The following ATXN7L1 variants were observed in gnomAD, a reference collection of about 807,000 sequenced individuals.
ATXN7L1 encodes ataxin-7-like protein 1.
ATXN7L1 carries 15 observed loss-of-function variants against 70.8 expected under a neutral mutation model. The observed-to-expected ratio is 0.21, with a 90% confidence interval of 0.14 to 0.33. The LOEUF (loss-of-function observed/expected upper bound fraction) is 0.33, where lower values mean the gene tolerates loss of function less well. Among genes scored for constraint, ATXN7L1 ranks in the 10% least tolerant of loss-of-function variants. ATXN7L1 has a pLI of 1.00. For synonymous variants in ATXN7L1, 440 were observed against 445.1 expected, an observed-to-expected ratio of 0.99 and a Z score of 0.14; for missense variants, 975 against 1,097.1, an observed-to-expected ratio of 0.89 and a Z score of 1.57.
intron 2 of ATXN7L1, among the ~76,000 whole-genome samples, chr7:105,822,369 C>T (rs964064314): frequency 1.3e-5 from 2 of 152,244 alleles, no homozygotes; most frequent in African/African-American, 4.8e-5. Context: ...ATGGTACTGA[C>T]TAGCTGCAGA....
intron 2 of ATXN7L1, among the ~76,000 whole-genome samples, chr7:105,857,085 T>C (rs192261743): frequency 1.1e-3 from 160 of 152,354 alleles, no homozygotes; most frequent in African/African-American, 3.8e-3. Context: ...CCTCAAAGCC[T>C]TTGCTTAAGC....
chr7:105,631,494 T>C (rs1435919499), intron 7 of ATXN7L1, among the ~76,000 whole-genome samples: 1 of 152,160 alleles, frequency 6.6e-6, no homozygotes, highest in Non-Finnish European at 1.5e-5. Context: ...CTTTCTGGAG[T>C]CTCGCTTTGT....
intron 2 of ATXN7L1, among the ~76,000 whole-genome samples, chr7:105,859,641 T>C (rs1327630334): frequency 6.6e-6 from 1 of 152,138 alleles, no homozygotes; most frequent in Non-Finnish European, 1.5e-5. Flanking sequence ...GTTATACCAA[T>C]GGGAATATCA....
rs568425580 is a variant in ATXN7L1 at position 105,752,897 on chromosome 7, T to C, written c.355+35707A>G. 2.6e-5 allele frequency among the ~76,000 whole-genome samples: 4 copies of C among 152,300 alleles called. No individual in the cohort carries two copies. The East Asian group carries it at 7.7e-4, about 29-fold the overall frequency. On this transcript the variant is annotated intron_variant, in intron 3 of 11. Coordinates refer to ENST00000419735, the MANE Select transcript of ATXN7L1 (RefSeq NM_020725.2). ...GTACAAAGTGGATTAAGAGCACAGC[T>C]GGAAGACCCCAAGATCATCCAAATG...
At chr7:105,695,966 A>C (rs529422136) in intron 3 of ATXN7L1, among the ~76,000 whole-genome samples, 1 of 152,286 alleles carries the variant, frequency 6.6e-6, no homozygotes, top group East Asian at 1.9e-4. Flanking sequence ...CAGGAAGTGA[A>C]GGCTTGGGGG....
At chr7:105,670,819 G>C (rs559884837) in intron 3 of ATXN7L1, among the ~76,000 whole-genome samples, 3 of 150,858 alleles carry the variant, frequency 2.0e-5, no homozygotes, top group Non-Finnish European at 3.0e-5. Flanking sequence ...AAAATTAGCC[G>C]GGTGTAGCCG....
At position 105,610,514 on chromosome 7, in the gene ATXN7L1, C is replaced by T. The variant is rs1015494553; in HGVS notation, c.2547+15G>A. 14 of 1,548,236 alleles carry T rather than the reference C, an allele frequency of 9.0e-6. No homozygotes were observed. In the East Asian group the frequency reaches 3.4e-4, roughly 38 times the overall value. On this transcript the variant is annotated intron_variant, in intron 11 of 11. Transcript: ENST00000419735. ...CATATGAATTTTTGCCCCACCCCCA[C>T]CCTCAGTAACTTACCTGTCGGCTGT...
intron 2 of ATXN7L1, among the ~76,000 whole-genome samples, chr7:105,865,748 A>G (rs977316673): frequency 7.2e-5 from 11 of 152,126 alleles, no homozygotes; most frequent in Non-Finnish European, 1.5e-4. Context: ...GACATTAAGT[A>G]TATTCACAAT....
chr7:105,730,963 A>T (rs1796468798), intron 3 of ATXN7L1, among the ~76,000 whole-genome samples: 1 of 152,174 alleles, frequency 6.6e-6, no homozygotes, highest in African/African-American at 2.4e-5. Flanking sequence ...CGGGATATAT[A>T]TGGCAGCTCT....
In ATXN7L1 at chr7:105,653,308, C is replaced by T. The variant is rs1034447618; in HGVS notation, c.579-10187G>A. 6.6e-5 allele frequency among the ~76,000 whole-genome samples: 10 copies of T among 152,076 alleles called. No homozygotes were observed. The East Asian group carries it at 1.5e-3, about 23-fold the overall frequency. On this transcript the variant is annotated intron_variant, in intron 4 of 11. Transcript: ENST00000419735. ...ACTAAAAATACAAAAATTAGCCAGG[C>T]GTGGTGGTGTATGCCGGTAATCCCA...
At chr7:105,870,075 A>G (rs1208645125) in intron 2 of ATXN7L1, among the ~76,000 whole-genome samples, 1 of 152,082 alleles carries the variant, frequency 6.6e-6, no homozygotes, top group Non-Finnish European at 1.5e-5. Context: ...AAGTTAGGAG[A>G]TCGAGACCAT....
chr7:105,862,366 G>C (rs935216309), intron 2 of ATXN7L1, among the ~76,000 whole-genome samples: 1 of 152,140 alleles, frequency 6.6e-6, no homozygotes, highest in Non-Finnish European at 1.5e-5. Flanking sequence ...TTGAGCCCGG[G>C]AGGTCAAGGC....
At chr7:105,757,213 TCAGGTTTGTGAGGCCTC>T (rs112509805) in intron 3 of ATXN7L1, among the ~76,000 whole-genome samples, 19,924 of 151,892 alleles carry the variant, frequency 0.13, 1,726 homozygotes, top group East Asian at 0.45. Context: ...AAAAAAAAAA[TCAGGTTTGTGAGGCCTC>T]CTCTCTGCTC....
intron 3 of ATXN7L1, among the ~76,000 whole-genome samples, chr7:105,693,944 A>G (rs1791374969): frequency 6.6e-6 from 1 of 152,138 alleles, no homozygotes; most frequent in African/African-American, 2.4e-5. Context: ...CCAAGGAAGG[A>G]GCAGGGGAGG....
At chr7:105,796,367 A>G (rs1481871125) in intron 2 of ATXN7L1, among the ~76,000 whole-genome samples, 1 of 152,074 alleles carries the variant, frequency 6.6e-6, no homozygotes, top group Non-Finnish European at 1.5e-5. Context: ...TCTCAAAAAT[A>G]AATAAATAAA....
chr7:105,778,386 C>T (rs1245799550), intron 3 of ATXN7L1, among the ~76,000 whole-genome samples: 1 of 151,072 alleles, frequency 6.6e-6, no homozygotes, highest in Non-Finnish European at 1.5e-5. Context: ...TGGCTTATGC[C>T]TGTGGTCCCA....
chr7:105,698,474 C>T (rs1258579735), intron 3 of ATXN7L1, among the ~76,000 whole-genome samples: 3 of 152,196 alleles, frequency 2.0e-5, no homozygotes, highest in African/African-American at 7.2e-5. Flanking sequence ...AAGTGATCCT[C>T]CCACTTCAGC....
At chr7:105,758,479 G>A (rs568666988) in intron 3 of ATXN7L1, among the ~76,000 whole-genome samples, 2 of 152,352 alleles carry the variant, frequency 1.3e-5, no homozygotes, top group African/African-American at 4.8e-5. Context: ...TGTGAAGCAG[G>A]AGATTTTAGC....
At chr7:105,724,209 T>C (rs994612623) in intron 3 of ATXN7L1, among the ~76,000 whole-genome samples, 26 of 152,310 alleles carry the variant, frequency 1.7e-4, no homozygotes, top group African/African-American at 5.8e-4. Flanking sequence ...CTTGGAATTA[T>C]TTCCTACGTG....
Sources: gnomAD v4.1 joint callset for allele counts (sites outside exome capture counted in the v4.1 genomes callset) on GRCh38, gnomAD v4.1.1 for gene constraint, MANE v1.5 for transcripts, NCBI Gene and HGNC (gene_info 2026-07-23, HGNC 2026-07-21) for gene names.